ACOT11: variants seen among roughly 807,000 people sequenced by gnomAD.
ACOT11 encodes acyl-CoA thioesterase 11, also known as acyl-coenzyme A thioesterase 11.
ACOT11 carries 69 observed loss-of-function variants against 77.5 expected under a neutral mutation model. The ratio of observed to expected loss-of-function variants is 0.89; its 90% CI spans 0.73 to 1.09. The LOEUF is 1.09. ACOT11 is among the 50% of genes least tolerant of loss of function. The pLI, the probability that ACOT11 is intolerant of heterozygous loss-of-function variation, is 0.00. For synonymous variants in ACOT11, 279 were observed against 313.0 expected (o/e 0.89, Z 1.15); for missense variants, 766 against 813.7 (o/e 0.94, Z 0.71).
chr1:54,623,846 A>G (rs1268342236), intron 15 of ACOT11, among the ~76,000 whole-genome samples: 1 of 152,206 alleles, frequency 6.6e-6, no homozygotes, highest in African/African-American at 2.4e-5. Flanking sequence ...GTGATCCCGA[A>G]CATTCTGTTC....
At chr1:54,638,741 T>G (rs1644344491) in exon 17 of ACOT11, 1 of 152,160 alleles carries the variant, frequency 6.6e-6, no homozygotes, top group Non-Finnish European at 1.5e-5. Context: ...GGCCTGTCTG[T>G]TGGCCTCAAG....
At chr1:54,601,578 G>A (rs936976846) in intron 9 of ACOT11, among the ~76,000 whole-genome samples, 165 bp downstream of exon 9, 5 of 152,210 alleles carry the variant, frequency 3.3e-5, no homozygotes, top group Non-Finnish European at 7.3e-5. Flanking sequence ...TGAGCCCTGG[G>A]ATGCCCCTTG....
intron 15 of ACOT11, chr1:54,615,970 C>T (rs1018806264): frequency 6.3e-7 from 1 of 1,597,922 alleles, no homozygotes; most frequent in Non-Finnish European, 8.5e-7. Context: ...ACATGCTGCC[C>T]CAGGGCCAGA....
chr1:54,596,357 T>G (rs1654896926), intron 6 of ACOT11, among the ~76,000 whole-genome samples: 1 of 152,026 alleles, frequency 6.6e-6, no homozygotes, highest in Non-Finnish European at 1.5e-5. Flanking sequence ...CCTGAAGAAG[T>G]CTCTCCATGG....
At chr1:54,589,764 A>C (rs1226070951) in intron 3 of ACOT11, among the ~76,000 whole-genome samples, 1 of 152,106 alleles carries the variant, frequency 6.6e-6, no homozygotes. Flanking sequence ...TAAGATAACA[A>C]GCATGAGCCA....
Position 54,584,973 on chromosome 1 carries a change from T to G in ACOT11, c.241+111T>G. 8.3e-7 allele frequency: 1 copy of G among 1,198,398 alleles called. No individual in the cohort carries two copies. 74.2% of individuals were successfully genotyped at this position (1,198,398 alleles called of 1,614,324 possible). Reference sequence around the variant, plus strand: ...TAAGTGCCACACTTGTTTCTCATCTTGGCCTTTGCTCATGCTGGTCCCTTT... The same window carrying G: ...TAAGTGCCACACTTGTTTCTCATCTGGGCCTTTGCTCATGCTGGTCCCTTT... On this transcript the variant is annotated intron_variant, in intron 2 of 15. Coordinates refer to ENST00000343744, the MANE Select transcript of ACOT11 (RefSeq NM_147161.4). This position sits in a 1 kb window ranked among gnomAD's most constrained non-coding sequence, Gnocchi z 6.3.
downstream of ACOT11, chr1:54,612,753 G>T: frequency 1.3e-6 from 2 of 1,485,568 alleles, no homozygotes; most frequent in Non-Finnish European, 9.4e-7. Flanking sequence ...AGCTGCAGCG[G>T]CCCCTTCCTC....
intron 12 of ACOT11, 136 bp from the exon 13 acceptor site, chr1:54,604,940 C>A: frequency 1.1e-6 from 1 of 923,190 alleles, no homozygotes; most frequent in Non-Finnish European, 1.6e-6. Flanking sequence ...GCAGCTGAGA[C>A]TCAGAGAGGT....
At position 54,625,529 on chromosome 1, in the gene ACOT11, C is replaced by T. The variant is rs186032219; in HGVS notation, c.1630-5205C>T. On this transcript the variant is annotated intron_variant, in intron 15 of 16. Transcript: ENST00000371316. ...GTGTTAACTGGGATATTATGATAGC[C>T]GCAAAAAGTTAACAGAATGACAGAA... Among the ~76,000 whole-genome samples, 11 of 152,174 alleles carry T rather than the reference C, an allele frequency of 7.2e-5. No individual in the cohort carries two copies. In the East Asian group the frequency reaches 7.7e-4, roughly 11 times the overall value.
At chr1:54,554,058 A>G (rs1653165040) in intron 1 of ACOT11, among the ~76,000 whole-genome samples, 1 of 151,992 alleles carries the variant, frequency 6.6e-6, no homozygotes, top group Non-Finnish European at 1.5e-5. Flanking sequence ...CTCTAGTCCC[A>G]GCTAGTTGGG....
At position 54,607,118 on chromosome 1, in the gene ACOT11, C is replaced by T. The variant is rs772283132; in HGVS notation, c.1371-16C>T. 8 of 1,613,702 alleles carry T rather than the reference C, an allele frequency of 5.0e-6. No individual in the cohort carries two copies. The highest frequency in any genetic ancestry group is 6.8e-6 in the Non-Finnish European group (8 of 1,179,792). On this transcript the variant is annotated splice_polypyrimidine_tract_variant and intron_variant, in intron 13 of 15. Coordinates refer to ENST00000343744, the MANE Select transcript of ACOT11 (RefSeq NM_147161.4). This position sits in a 1 kb window ranked among gnomAD's most constrained non-coding sequence, Gnocchi z 4.5. ...TGGAAGCTTCCTGGGGCACTGAGAT[C>T]CCGGCCTCCCCACAGGAGCGTGGAG...
downstream of ACOT11, among the ~76,000 whole-genome samples, chr1:54,612,182 G>A (rs924055157): frequency 6.6e-6 from 1 of 151,908 alleles, no homozygotes. Flanking sequence ...GGCACAATCT[G>A]TGTAGCCCCA....
At position 54,562,547 on chromosome 1, in the gene ACOT11, C is replaced by G. The variant is rs1332136883; in HGVS notation, c.33+14205C>G. 1.1e-4 allele frequency among the ~76,000 whole-genome samples: 11 copies of G among 96,518 alleles called. No individual in the cohort carries two copies. The East Asian group carries it at 3.4e-3, about 30-fold the overall frequency. The allele number at this position is 96,518 out of a possible 152,430, so 63.3% of individuals were successfully genotyped here. ...GCGGCTGGCCGGGCGGGGGGCTGAC[C>G]CACCCCCCACCTCCCTCCCGGACGG... On this transcript the variant is annotated intron_variant, in intron 1 of 15. Transcript: ENST00000343744.
chr1:54,558,167 T>A (rs1323108776), intron 1 of ACOT11, among the ~76,000 whole-genome samples: 6 of 152,168 alleles, frequency 3.9e-5, no homozygotes, highest in Admixed American at 3.9e-4. Context: ...GTGCTGGGTA[T>A]GCTGTGGCCA....
At chr1:54,630,793 G>C (rs1294379860) in exon 16 of ACOT11, 1 of 769,504 alleles carries the variant, frequency 1.3e-6, no homozygotes. Flanking sequence ...TCTATTCCTG[G>C]GGGCTCGAAT....
downstream of ACOT11, chr1:54,610,465 C>T (rs1644105315): frequency 6.7e-7 from 1 of 1,502,718 alleles, no homozygotes; most frequent in Non-Finnish European, 9.2e-7. Context: ...AGGAACCAGC[C>T]ACTCCACATT....
chr1:54,602,661 C>T lies in ACOT11; in HGVS notation c.1030-8C>T. On this transcript the variant is annotated splice_region_variant and splice_polypyrimidine_tract_variant and intron_variant, in intron 9 of 15. Transcript: ENST00000343744. ...GTAGCTGGTTGCCTATCCCGACTTC[C>T]TCCCCAGGATGGTGAGCGGCGGTAC... 6.5e-7 allele frequency: 1 copy of T among 1,533,668 alleles called. No homozygotes were observed. The highest frequency in any genetic ancestry group is 1.2e-5 in the South Asian group (1 of 80,912).
downstream of ACOT11, chr1:54,611,871 G>A: frequency 9.1e-7 from 1 of 1,102,460 alleles, no homozygotes; most frequent in Non-Finnish European, 1.3e-6. Context: ...TCGCCCACCT[G>A]CCACTTCTCC....
At chr1:54,597,186 GC>G in intron 6 of ACOT11, 72 bp from the exon 7 acceptor site, 4 of 1,582,230 alleles carry the variant, frequency 2.5e-6, no homozygotes, top group Non-Finnish European at 3.4e-6. Context: ...TCCCAGGGCT[GC>G]CTGTGGGGAG....
Sources: allele counts gnomAD v4.1 joint callset (sites outside exome capture counted in the v4.1 genomes callset), GRCh38; gene constraint gnomAD v4.1.1; non-coding constraint Gnocchi (gnomAD v3.1); transcripts MANE v1.5; gene names NCBI Gene and HGNC (gene_info 2026-07-23, HGNC 2026-07-21).